The following RPL23 variants were observed in gnomAD, a reference collection of about 807,000 sequenced individuals.
The protein encoded by RPL23 is large ribosomal subunit protein uL14.
For missense variants in RPL23, 79 were observed against 178.8 expected (o/e 0.44, Z 3.18); for synonymous variants, 63 against 65.3 (o/e 0.97, Z 0.17).
At position 38,848,051 on chromosome 17, in the gene RPL23, A is replaced by G. The variant is rs1056596173; in HGVS notation, c.*2081T>C. On this transcript the variant is annotated 3_prime_UTR_variant, in exon 5 of 5. Transcript: ENST00000479035. ...TACTGCACTCCAGCCTGTGTGACAG[A>G]GCAAGACTGCCTCAGAAAAGATAAC... 4.5e-6 allele frequency: 7 copies of G among 1,541,756 alleles called. No homozygotes were observed. Among genetic ancestry groups the G allele is most frequent in the Non-Finnish European group, 6.1e-6 (7 of 1,144,366 alleles).
intron 3 of RPL23, 172 bp downstream of exon 3, chr17:38,852,432 A>C: frequency 2.7e-6 from 2 of 731,926 alleles, no homozygotes; most frequent in South Asian, 3.8e-5. Context: ...TGGAAGTGAC[A>C]AGATGATGGT....
intron 1 of RPL23, 145 bp from the exon 2 acceptor site, chr17:38,853,250 A>T: frequency 1.4e-6 from 1 of 698,458 alleles, no homozygotes; most frequent in Non-Finnish European, 2.6e-6. Flanking sequence ...GATTTTACTT[A>T]TGCCGTCCCC....
chr17:38,852,393 AAAAC>A (rs1210004663), intron 3 of RPL23: 12 of 587,310 alleles, frequency 2.0e-5, no homozygotes, highest in African/African-American at 3.8e-5. Context: ...AAACAAAACA[AAAAC>A]AACAACAAAA....
At chr17:38,852,894 A>G (rs1444673168) in intron 2 of RPL23, 128 bp downstream of exon 2, 4 of 1,344,278 alleles carry the variant, frequency 3.0e-6, no homozygotes, top group South Asian at 1.2e-5. Context: ...AGCAAACAAC[A>G]CATGTTGCCA....
chr17:38,852,272 A>T (rs756307012), intron 3 of RPL23: 2 of 212,854 alleles, frequency 9.4e-6, no homozygotes, highest in Non-Finnish European at 1.9e-5. Context: ...TTTGTAATAT[A>T]TTTTTTTTTG....
intron 1 of RPL23, 118 bp downstream of exon 1, chr17:38,853,576 GCTCT>G (rs562107590): frequency 2.3e-5 from 28 of 1,234,340 alleles, no homozygotes; most frequent in East Asian, 4.8e-5. Context: ...CGGTGGCCTG[GCTCT>G]CTCTCTCCGG....
Position 38,848,052 on chromosome 17 carries a change from G to C in RPL23, c.*2080C>G, listed in dbSNP as rs753372433. 6.5e-7 allele frequency: 1 copy of C among 1,541,532 alleles called. No individual in the cohort carries two copies. The highest frequency in any genetic ancestry group is 1.4e-5 in the African/African-American group (1 of 72,578). ...ACTGCACTCCAGCCTGTGTGACAGA[G>C]CAAGACTGCCTCAGAAAAGATAACA... On this transcript the variant is annotated 3_prime_UTR_variant, in exon 5 of 5. Transcript: ENST00000479035.
At chr17:38,852,930 T>G (rs1326497786) in intron 2 of RPL23, 92 bp downstream of exon 2, 1 of 1,400,276 alleles carries the variant, frequency 7.1e-7, no homozygotes, top group Non-Finnish European at 1.0e-6. Context: ...ATGTTTTCAC[T>G]CTCCCCTTTC....
chr17:38,852,971 C>A, intron 2 of RPL23, 51 bp downstream of exon 2: 3 of 1,529,726 alleles, frequency 2.0e-6, no homozygotes, highest in Non-Finnish European at 1.8e-6. Flanking sequence ...TAGCCACAGG[C>A]CCATTGAGTG....
rs1389007014 is a variant in RPL23, at chr17:38,850,153, G to A, written c.402C>T (p.Ser134=). The A allele has an allele frequency of 2.5e-6, 4 of 1,603,766 alleles. No homozygotes were observed. The highest frequency in any genetic ancestry group is 3.4e-6 in the Non-Finnish European group (4 of 1,176,494). The change falls in exon 5 of 5, where the codon TCC becomes TCT. Residue 134 remains serine (S), a synonymous_variant. Coordinates refer to ENST00000479035, the MANE Select transcript of RPL23 (RefSeq NM_000978.4). The stretch of plus-strand genomic sequence containing the variant: ...AGAATCATGCAATGCTGCCAGCATT[G>A]GATGCAATCCGGGGCCACAAGTCTG... ...ECADLWPRIA[S]NAGSIA
chr17:38,850,505 T>C (rs769853033), intron 3 of RPL23, 30 bp from the exon 4 acceptor site: 2 of 1,516,990 alleles, frequency 1.3e-6, no homozygotes, highest in South Asian at 1.1e-5. Context: ...CAGCAGTCAT[T>C]AACCTGTCAA....
chr17:38,850,591 A>G, intron 3 of RPL23, 116 bp from the exon 4 acceptor site: 3 of 705,040 alleles, frequency 4.3e-6, no homozygotes, highest in East Asian at 5.1e-5. Flanking sequence ...GACAGTGTAA[A>G]TATCAATCTT....
In RPL23 at chr17:38,849,946, T is replaced by C. The variant is rs541884188; in HGVS notation, c.*186A>G. On this transcript the variant is annotated 3_prime_UTR_variant, in exon 5 of 5. Coordinates refer to ENST00000479035, the MANE Select transcript of RPL23 (RefSeq NM_000978.4). The stretch of plus-strand genomic sequence containing the variant: ...TCGTTTGGCAAACATGGTGAAACCC[T>C]GTCTCCACCAAAAATACAAAAACTA... The C allele has an allele frequency of 1.5e-4, 78 of 515,048 alleles. No homozygotes were observed. The East Asian group carries it at 2.4e-3, about 16-fold the overall frequency. The allele number at this position is 515,048 out of a possible 1,614,324, so 31.9% of individuals were successfully genotyped here.
chr17:38,853,061 G>A lies in RPL23; in HGVS notation c.58C>T (p.Leu20Phe). Residue 20 changes from leucine to phenylalanine, a missense_variant, in exon 2 of 5, where the codon CTT becomes TTT. Leu to Phe is a conservative substitution (Grantham distance 22). Transcript: ENST00000479035. ...CAATTGATTACAGCTCCTACCGGAA[G>A]ACCCAAGGAAATCCGGAATTTCGCA... ...SGAKFRISLG[L>F]PVGAVINCAD... The A allele has an allele frequency of 6.2e-7, 1 of 1,614,164 alleles. No homozygotes were observed.
In RPL23 at chr17:38,853,012, A is replaced by T. The variant is rs371838445; in HGVS notation, c.97+10T>A. 2 of 1,613,528 alleles carry T rather than the reference A, an allele frequency of 1.2e-6. No homozygotes were observed. Among genetic ancestry groups the T allele is most frequent in the Middle Eastern group, 1.6e-4 (1 of 6,062 alleles). On this transcript the variant is annotated intron_variant, in intron 2 of 4. Coordinates refer to ENST00000479035, the MANE Select transcript of RPL23 (RefSeq NM_000978.4). Reference sequence around the variant, plus strand: ...AAAAGGGGGAGTATAGCAACGTGCAAAGACCTCACCTGTGTTGTCAGCACA... The same window carrying T: ...AAAAGGGGGAGTATAGCAACGTGCATAGACCTCACCTGTGTTGTCAGCACA...
At chr17:38,851,739 AT>A (rs1379270528) in intron 3 of RPL23, 5 of 152,234 alleles carry the variant, frequency 3.3e-5, no homozygotes, top group African/African-American at 1.2e-4. Flanking sequence ...ACAAAAAACA[AT>A]TTCTAACCCA....
Position 38,849,827 on chromosome 17 carries a change from C to A in RPL23, c.*305G>T. The A allele has an allele frequency of 4.2e-6, 1 of 240,508 alleles. No homozygotes were observed. Among genetic ancestry groups the A allele is most frequent in the Admixed American group, 5.4e-5 (1 of 18,370 alleles). The allele number at this position is 240,508 out of a possible 1,614,324, so 14.9% of individuals were successfully genotyped here. ...AAGGATTGCTTTAAAAAAAAAATGC[C>A]CAGAGTTTCCATTTCAGAAAAGTGA... On this transcript the variant is annotated 3_prime_UTR_variant, in exon 5 of 5. Coordinates refer to ENST00000479035, the MANE Select transcript of RPL23 (RefSeq NM_000978.4).
At chr17:38,852,832 T>C (rs771731236) in intron 2 of RPL23, 100 bp from the exon 3 acceptor site, 4 of 1,554,646 alleles carry the variant, frequency 2.6e-6, no homozygotes, top group Non-Finnish European at 3.5e-6. Context: ...CTCCCTCCAC[T>C]CACTGCCCAA....
intron 2 of RPL23, 116 bp from the exon 3 acceptor site, chr17:38,852,848 T>C: frequency 4.0e-6 from 6 of 1,487,006 alleles, no homozygotes; most frequent in South Asian, 1.1e-5. Flanking sequence ...CCCAAGCAGT[T>C]AGTCCGCAAG....
Sources: allele counts gnomAD v4.1 joint callset, GRCh38; gene constraint gnomAD v4.1.1; transcripts MANE v1.5; gene names NCBI Gene and HGNC (gene_info 2026-07-23, HGNC 2026-07-21).